The following NLGN1 variants were observed in gnomAD, a reference collection of about 807,000 sequenced individuals.
NLGN1 encodes the protein neuroligin-1.
Under a neutral mutation model 65.5 loss-of-function variants are expected in NLGN1, and 12 were observed. The observed-to-expected ratio is 0.18, with a 90% CI of 0.12 to 0.30. The LOEUF is 0.30. Among genes scored for constraint, NLGN1 ranks in the 10% least tolerant of loss-of-function variants. NLGN1 has a pLI of 1.00. For missense variants in NLGN1, 750 were observed against 1,007.1 expected (o/e 0.74, Z 3.46); for synonymous variants, 350 against 359.5 (o/e 0.97, Z 0.30).
intron 4 of NLGN1, among the ~76,000 whole-genome samples, chr3:174,134,313 AG>A (rs1407152198): frequency 6.6e-6 from 1 of 152,184 alleles, no homozygotes; most frequent in Non-Finnish European, 1.5e-5. Context: ...GTGAGATCTT[AG>A]GGTGAAACTG....
intron 1 of NLGN1, among the ~76,000 whole-genome samples, chr3:173,431,891 C>T (rs1717239652): frequency 6.8e-6 from 1 of 147,336 alleles, no homozygotes; most frequent in Admixed American, 6.6e-5. Flanking sequence ...TTTATATCTT[C>T]CTCCCCACCA....
chr3:173,998,900 A>C (rs1477651342), intron 4 of NLGN1, among the ~76,000 whole-genome samples: 1 of 152,206 alleles, frequency 6.6e-6, no homozygotes, highest in Non-Finnish European at 1.5e-5. Flanking sequence ...TGGGTCTGAA[A>C]GTGTTATTAC....
At chr3:173,982,941 T>C (rs1038245022) in intron 4 of NLGN1, among the ~76,000 whole-genome samples, 8 of 152,166 alleles carry the variant, frequency 5.3e-5, no homozygotes, top group Admixed American at 3.3e-4. Flanking sequence ...GAGTAGAATG[T>C]GGATAGTCAT....
intron 4 of NLGN1, among the ~76,000 whole-genome samples, chr3:174,038,090 G>A (rs1247355613): frequency 6.6e-6 from 1 of 151,374 alleles, no homozygotes; most frequent in Admixed American, 6.6e-5. Context: ...GCCTGCTGAA[G>A]AATATGAGCT....
At chr3:173,940,079 G>GTTTTTTTTTTTTTTT (rs1745752029) in intron 4 of NLGN1, among the ~76,000 whole-genome samples, 1 of 90,078 alleles carries the variant, frequency 1.1e-5, no homozygotes, top group Non-Finnish European at 2.2e-5. Context: ...AATAGTTATA[G>GTTTTTTTTTTTTTTT]CTTTTTTTTT....
chr3:174,038,593 A>G (rs1731626565), intron 4 of NLGN1, among the ~76,000 whole-genome samples: 1 of 152,202 alleles, frequency 6.6e-6, no homozygotes, highest in Non-Finnish European at 1.5e-5. Context: ...AGGATTGTTC[A>G]GAATGTTCCT....
Position 173,998,648 on chromosome 3 carries a change from ACTG to A in NLGN1, c.646+190819_646+190821del, listed in dbSNP as rs532369252. 6.9e-4 allele frequency among the ~76,000 whole-genome samples: 105 copies of A among 152,304 alleles called. 3 individuals carry two copies. In the South Asian group the frequency reaches 0.021, roughly 31 times the overall value. ...TGTGTTAAGAATTAAGTCTACTTACACTGCTTTCTTCTCAGGAGGCAATAAAAT... is the reference window on the plus strand; with the variant it reads ...TGTGTTAAGAATTAAGTCTACTTACACTTTCTTCTCAGGAGGCAATAAAAT... On this transcript the variant is annotated intron_variant, in intron 4 of 6. Transcript: ENST00000457714.
chr3:173,703,579 T>C (rs888655362), intron 3 of NLGN1, among the ~76,000 whole-genome samples: 3 of 152,188 alleles, frequency 2.0e-5, no homozygotes, highest in African/African-American at 7.2e-5. Context: ...AAGCTTAAAA[T>C]TGCTTCCAAA....
intron 3 of NLGN1, among the ~76,000 whole-genome samples, chr3:173,794,198 A>C (rs925932591): frequency 1.3e-5 from 2 of 152,138 alleles, no homozygotes; most frequent in Non-Finnish European, 2.9e-5. Context: ...AGACTCAGCC[A>C]GGTCACCTTG....
chr3:173,992,875 A>T (rs773231757), intron 4 of NLGN1, among the ~76,000 whole-genome samples: 4 of 152,226 alleles, frequency 2.6e-5, no homozygotes, highest in Non-Finnish European at 5.9e-5. Context: ...TAACCTGGAA[A>T]AGATTTCCGT....
At chr3:174,173,128 T>A (rs1317425181) in intron 4 of NLGN1, among the ~76,000 whole-genome samples, 2 of 152,122 alleles carry the variant, frequency 1.3e-5, no homozygotes, top group African/African-American at 4.8e-5. Flanking sequence ...GCTGTTGGCA[T>A]ATAGAAATGC....
At chr3:173,530,971 T>C (rs1736468798) in intron 2 of NLGN1, among the ~76,000 whole-genome samples, 2 of 152,180 alleles carry the variant, frequency 1.3e-5, no homozygotes, top group African/African-American at 4.8e-5. Flanking sequence ...AGTTCTACCA[T>C]TTTCTGAAGC....
At chr3:174,031,746 G>A (rs1424069835) in intron 4 of NLGN1, among the ~76,000 whole-genome samples, 3 of 152,092 alleles carry the variant, frequency 2.0e-5, no homozygotes, top group Non-Finnish European at 4.4e-5. Context: ...TTGAGAAAAT[G>A]TAGAGGAGGA....
At chr3:173,458,958 A>G (rs528706304) in intron 2 of NLGN1, among the ~76,000 whole-genome samples, 3 of 152,184 alleles carry the variant, frequency 2.0e-5, no homozygotes, top group South Asian at 2.1e-4. Flanking sequence ...AGCAGACGCC[A>G]CTAGAGTATC....
intron 4 of NLGN1, among the ~76,000 whole-genome samples, chr3:174,094,538 T>C (rs1425092389): frequency 6.6e-6 from 1 of 151,870 alleles, no homozygotes. Flanking sequence ...AACTTAGCAC[T>C]AATTTGGTAA....
At chr3:173,551,419 A>T (rs13325165) in intron 2 of NLGN1, among the ~76,000 whole-genome samples, 9,413 of 152,184 alleles carry the variant, frequency 0.062, 937 homozygotes, top group African/African-American at 0.22. Flanking sequence ...CACTTAGTTA[A>T]TATGTGAGCT....
At chr3:174,142,133 A>G (rs1270235937) in intron 4 of NLGN1, among the ~76,000 whole-genome samples, 1 of 152,146 alleles carries the variant, frequency 6.6e-6, no homozygotes, top group Non-Finnish European at 1.5e-5. Flanking sequence ...GTACCTAAAT[A>G]TATAGTATCA....
At chr3:174,043,928 A>G (rs1353279849) in intron 4 of NLGN1, among the ~76,000 whole-genome samples, 5 of 152,108 alleles carry the variant, frequency 3.3e-5, no homozygotes, top group Admixed American at 2.6e-4. Flanking sequence ...GCACACTTCT[A>G]CCTAGACATC....
At chr3:174,263,183 T>C (rs1747299497) in intron 4 of NLGN1, among the ~76,000 whole-genome samples, 1 of 151,144 alleles carries the variant, frequency 6.6e-6, no homozygotes, top group South Asian at 2.1e-4. Flanking sequence ...GGGAGTTCTG[T>C]AGATATCTAT....
Sources: gnomAD v4.1 joint callset for allele counts (sites outside exome capture counted in the v4.1 genomes callset) on GRCh38, gnomAD v4.1.1 for gene constraint, MANE v1.5 for transcripts, NCBI Gene and HGNC (gene_info 2026-07-23, HGNC 2026-07-21) for gene names.